Variants in MAPRE2 observed in about 807,000 individuals in gnomAD.
The protein encoded by MAPRE2 is microtubule-associated protein RP/EB family member 2.
A neutral mutation model predicts 43.2 loss-of-function variants in MAPRE2; 13 were observed. That is an observed-to-expected ratio of 0.30 (90% confidence interval 0.20 to 0.48). The LOEUF (loss-of-function observed/expected upper bound fraction) is 0.48. Ranked by LOEUF, MAPRE2 falls within the 20% of genes least tolerant of loss-of-function variation. The pLI is 0.99. For synonymous variants in MAPRE2, 135 were observed against 148.8 expected, an observed-to-expected ratio of 0.91 and a Z score of 0.68; for missense variants, 161 against 400.2, an observed-to-expected ratio of 0.40 and a Z score of 5.10.
At chr18:35,064,033 A>AAAAAAAAAAAAAAAAAAAC (rs1568989751) in intron 1 of MAPRE2, among the ~76,000 whole-genome samples, 1 of 139,352 alleles carries the variant, frequency 7.2e-6, no homozygotes, top group Non-Finnish European at 1.5e-5. Flanking sequence ...AAAAAAAAAA[A>AAAAAAAAAAAAAAAAAAAC]TCTGGCCAAC....
intron 2 of MAPRE2, among the ~76,000 whole-genome samples, chr18:35,009,643 C>A (rs1400641775): frequency 1.3e-5 from 2 of 152,214 alleles, no homozygotes; most frequent in African/African-American, 4.8e-5. Flanking sequence ...CCTGCATTGA[C>A]AGTCCCCTAA....
intron 3 of MAPRE2, among the ~76,000 whole-genome samples, chr18:35,099,967 A>G (rs1908598623): frequency 6.6e-6 from 1 of 152,182 alleles, no homozygotes; most frequent in African/African-American, 2.4e-5. Flanking sequence ...CTATTGATAC[A>G]TTTTAGGATA....
intron 1 of MAPRE2, among the ~76,000 whole-genome samples, chr18:35,048,660 G>A (rs928937234): frequency 2.0e-5 from 3 of 148,264 alleles, no homozygotes; most frequent in African/African-American, 7.4e-5. Context: ...TGTGTTTATA[G>A]TATATGTATT....
At chr18:35,097,614 A>C (rs1264209611) in intron 3 of MAPRE2, 23 bp downstream of exon 3, 2 of 1,593,462 alleles carry the variant, frequency 1.3e-6, no homozygotes, top group Non-Finnish European at 1.7e-6. Flanking sequence ...TACCTCCATA[A>C]AATGTGTTGT....
chr18:35,058,563 C>T (rs1406394564), intron 1 of MAPRE2, among the ~76,000 whole-genome samples: 1 of 152,036 alleles, frequency 6.6e-6, no homozygotes, highest in African/African-American at 2.4e-5. Flanking sequence ...AGGCTTGAAC[C>T]TCAAATCTGT....
chr18:35,137,151 C>A (rs967015662), intron 6 of MAPRE2, among the ~76,000 whole-genome samples: 2 of 152,232 alleles, frequency 1.3e-5, no homozygotes, highest in African/African-American at 4.8e-5. Flanking sequence ...CCTTAACTTG[C>A]AGGCCAAGCA....
chr18:35,090,593 G>A (rs1284102746), intron 2 of MAPRE2, among the ~76,000 whole-genome samples: 4 of 151,888 alleles, frequency 2.6e-5, no homozygotes, highest in Admixed American at 2.0e-4. Flanking sequence ...TGAGCCAGTT[G>A]TGGTGGTGGG....
intron 2 of MAPRE2, among the ~76,000 whole-genome samples, chr18:35,027,398 T>C (rs2097045781): frequency 6.6e-6 from 1 of 152,108 alleles, no homozygotes. Context: ...CACCATGCTG[T>C]GAGGAGCCCA....
chr18:35,133,186 T>C (rs915723226), intron 6 of MAPRE2, among the ~76,000 whole-genome samples: 1 of 152,220 alleles, frequency 6.6e-6, no homozygotes, highest in Non-Finnish European at 1.5e-5. Context: ...CATTTATGCC[T>C]CAAAATACTA....
chr18:35,067,448 C>T (rs1213063903), intron 1 of MAPRE2, among the ~76,000 whole-genome samples: 1 of 152,188 alleles, frequency 6.6e-6, no homozygotes, highest in Non-Finnish European at 1.5e-5. Context: ...TACTCTTCTA[C>T]CTGTACTTCT....
intron 1 of MAPRE2, among the ~76,000 whole-genome samples, chr18:34,999,360 T>C (rs2097028199): frequency 6.6e-6 from 1 of 152,242 alleles, no homozygotes; most frequent in Non-Finnish European, 1.5e-5. Context: ...GAATTTTACT[T>C]TTGTACATTG....
chr18:35,037,310 A>G (rs1365075746), upstream of MAPRE2, among the ~76,000 whole-genome samples: 3 of 152,252 alleles, frequency 2.0e-5, no homozygotes, highest in East Asian at 3.8e-4. Flanking sequence ...CACTGGGTTA[A>G]GTGCTTTAAA....
chr18:35,073,176 C>A (rs1417398485), intron 2 of MAPRE2, among the ~76,000 whole-genome samples: 1 of 152,136 alleles, frequency 6.6e-6, no homozygotes, highest in Non-Finnish European at 1.5e-5. Flanking sequence ...ACATTTTACC[C>A]CAGACCAACA....
intron 1 of MAPRE2, among the ~76,000 whole-genome samples, chr18:34,985,761 A>AATATATTACATATGTAATATATAAAAT (rs2097020657): frequency 7.6e-6 from 1 of 132,196 alleles, no homozygotes; most frequent in Non-Finnish European, 1.6e-5. Flanking sequence ...TAATATATAA[A>AATATATTACATATGTAATATATAAAAT]ATATATTACA....
intron 1 of MAPRE2, among the ~76,000 whole-genome samples, chr18:34,982,949 A>T (rs1310810771): frequency 6.6e-6 from 1 of 152,304 alleles, no homozygotes; most frequent in South Asian, 2.1e-4. Context: ...TCCAAAATAA[A>T]GTTTTATTGG....
chr18:35,013,863 T>C (rs998563101), intron 2 of MAPRE2, among the ~76,000 whole-genome samples: 13 of 152,206 alleles, frequency 8.5e-5, no homozygotes, highest in Non-Finnish European at 1.8e-4. Context: ...GATTTTGTTC[T>C]TTTTCATGGC....
chr18:35,077,704 G>A (rs1464663326), intron 2 of MAPRE2, among the ~76,000 whole-genome samples: 1 of 152,126 alleles, frequency 6.6e-6, no homozygotes, highest in Admixed American at 6.5e-5. Flanking sequence ...GGAGTCCAAG[G>A]ACATGACAGG....
chr18:35,040,833 G>T (rs188463230), upstream of MAPRE2, among the ~76,000 whole-genome samples: 4 of 152,172 alleles, frequency 2.6e-5, no homozygotes, highest in Non-Finnish European at 4.4e-5. Context: ...ATTATTAAAG[G>T]CTACATTGAT....
intron 2 of MAPRE2, among the ~76,000 whole-genome samples, chr18:35,009,684 A>G (rs1031082261): frequency 2.0e-5 from 3 of 152,342 alleles, no homozygotes; most frequent in African/African-American, 7.2e-5. Context: ...TGCACGGAGG[A>G]TAGGCCTGGG....
Sources: gnomAD v4.1 joint callset for allele counts (sites outside exome capture counted in the v4.1 genomes callset) on GRCh38, gnomAD v4.1.1 for gene constraint, MANE v1.5 for transcripts, NCBI Gene and HGNC (gene_info 2026-07-23, HGNC 2026-07-21) for gene names.